Variants in CNTNAP4 observed in about 807,000 individuals in gnomAD.
CNTNAP4 encodes the protein contactin associated protein family member 4, also known as contactin-associated protein-like 4.
Under a neutral mutation model 148.4 loss-of-function variants are expected in CNTNAP4, and 98 were observed. The observed-to-expected ratio is 0.66, with a 90% CI of 0.56 to 0.78. CNTNAP4 has a LOEUF of 0.78. Ranked by LOEUF, CNTNAP4 falls within the 30% of genes least tolerant of loss-of-function variation. The pLI is 0.00. For missense variants in CNTNAP4, 1,935 were observed against 1,565.6 expected (o/e 1.24, Z -3.98); for synonymous variants, 730 against 565.1 (o/e 1.29, Z -4.14).
intron 11 of CNTNAP4, among the ~76,000 whole-genome samples, chr16:76,477,570 C>G (rs1015801457): frequency 2.0e-5 from 3 of 152,098 alleles, no homozygotes; most frequent in African/African-American, 7.2e-5. Flanking sequence ...TCAAGAGAAT[C>G]TCTCAGCTCT....
rs373576749 is a variant in CNTNAP4 at position 76,482,431 on chromosome 16, A to ATTTTT, written c.1882+2893_1882+2894insTTTTT. 5.7e-3 allele frequency among the ~76,000 whole-genome samples: 743 copies of ATTTTT among 129,636 alleles called. 11 individuals are homozygous for ATTTTT. Among genetic ancestry groups the ATTTTT allele is most frequent in the African/African-American group, 0.014 (491 of 35,126 alleles). The allele number at this position is 129,636 out of a possible 152,430, so 85.0% of individuals were successfully genotyped here. A position where few individuals can be genotyped will look rare whatever the true frequency, so the allele number is the denominator to read the frequency against. ...AAAGATCATAAGCTCTGTTTTACAC[A>ATTTTT]ATTTTTTTTTTTTTTTAGTTTGAGA... is the stretch of plus-strand genomic sequence containing the variant. On this transcript the variant is annotated intron_variant, in intron 12 of 23. Coordinates refer to ENST00000611870, the MANE Select transcript of CNTNAP4 (RefSeq NM_033401.5).
Position 76,452,559 on chromosome 16 carries a change from C to T in CNTNAP4, c.1123C>T (p.Leu375=). ...SQPQSMPVTF[L]SSRSYLALPD... is the part of the protein sequence containing the mutation. ...ACCACAATCTATGCCCGTGACTTTT[C>T]TGAGCTCCAGGAGTTATTTAGCACT... Residue 375 remains leucine (L), a synonymous_variant, in exon 8 of 24, where the codon CTG becomes TTG. Transcript: ENST00000611870. The T allele has an allele frequency of 6.2e-7, 1 of 1,614,018 alleles. No individual in the cohort carries two copies. The highest frequency in any genetic ancestry group is 8.5e-7 in the Non-Finnish European group (1 of 1,179,902).
At chr16:76,299,925 C>G (rs943082469) in intron 1 of CNTNAP4, among the ~76,000 whole-genome samples, 1 of 151,970 alleles carries the variant, frequency 6.6e-6, no homozygotes, top group Non-Finnish European at 1.5e-5. Flanking sequence ...TGTTCTCACT[C>G]ATAGGTGGGA....
intron 2 of CNTNAP4, among the ~76,000 whole-genome samples, chr16:76,321,128 C>A (rs1485273663): frequency 6.6e-6 from 1 of 152,172 alleles, no homozygotes; most frequent in East Asian, 1.9e-4. Flanking sequence ...TTTTAAACCA[C>A]AACTACACCC....
intron 15 of CNTNAP4, among the ~76,000 whole-genome samples, chr16:76,501,653 C>G (rs1169607014): frequency 1.3e-5 from 2 of 152,094 alleles, no homozygotes; most frequent in Non-Finnish European, 2.9e-5. Flanking sequence ...TCCTACAATG[C>G]ATGAGACGGC....
intron 17 of CNTNAP4, among the ~76,000 whole-genome samples, chr16:76,531,598 G>A (rs1381387832): frequency 1.3e-5 from 2 of 152,170 alleles, no homozygotes; most frequent in African/African-American, 2.4e-5. Context: ...TAATAGCTCA[G>A]TGGAAACATC....
chr16:76,471,190 G>C (rs1046918001), intron 10 of CNTNAP4, among the ~76,000 whole-genome samples: 1 of 152,042 alleles, frequency 6.6e-6, no homozygotes, highest in Non-Finnish European at 1.5e-5. Context: ...CTCAGTCCAG[G>C]GACTTCGGAG....
At chr16:76,339,587 C>A (rs888654660) in intron 2 of CNTNAP4, among the ~76,000 whole-genome samples, 1 of 152,126 alleles carries the variant, frequency 6.6e-6, no homozygotes, top group Non-Finnish European at 1.5e-5. Context: ...AATTTAAGAT[C>A]GTTTGAAATG....
At chr16:76,280,591 G>C (rs1162014349) in intron 1 of CNTNAP4, among the ~76,000 whole-genome samples, 1 of 152,052 alleles carries the variant, frequency 6.6e-6, no homozygotes, top group African/African-American at 2.4e-5. Context: ...CTAGTATCCT[G>C]TCTGACATTT....
chr16:76,400,699 T>G (rs1198700973), intron 3 of CNTNAP4, among the ~76,000 whole-genome samples: 1 of 152,178 alleles, frequency 6.6e-6, no homozygotes, highest in East Asian at 1.9e-4. Flanking sequence ...TTAACGCATA[T>G]TGAGTTAACT....
chr16:76,544,327 T>A (rs1195104537), intron 21 of CNTNAP4, among the ~76,000 whole-genome samples: 1 of 152,124 alleles, frequency 6.6e-6, no homozygotes, highest in Non-Finnish European at 1.5e-5. Flanking sequence ...TCCCCTCTCT[T>A]GAATTTTTCC....
At chr16:76,281,182 T>C (rs949554498) in intron 1 of CNTNAP4, among the ~76,000 whole-genome samples, 4 of 152,130 alleles carry the variant, frequency 2.6e-5, no homozygotes, top group Admixed American at 1.3e-4. Context: ...ATTCTCACAT[T>C]GTTAAAACTC....
rs537128290 is a variant in CNTNAP4, at chr16:76,459,670, C to G, written c.1334-2286C>G. 4.2e-4 allele frequency among the ~76,000 whole-genome samples: 64 copies of G among 152,292 alleles called. 1 individual carries two copies. In the South Asian group the frequency reaches 0.013, roughly 30 times the overall value. ...TTTTACATAAAATCAGTAAAGAAATCACATGCAATATCAGAAAAAAGGCTG... is the reference window on the plus strand; with the variant it reads ...TTTTACATAAAATCAGTAAAGAAATGACATGCAATATCAGAAAAAAGGCTG... On this transcript the variant is annotated intron_variant, in intron 8 of 23. Coordinates refer to ENST00000611870, the MANE Select transcript of CNTNAP4 (RefSeq NM_033401.5).
intron 2 of CNTNAP4, among the ~76,000 whole-genome samples, chr16:76,352,928 ATGCTAAACAAATGACC>A (rs1290383010): frequency 1.3e-5 from 2 of 152,200 alleles, no homozygotes; most frequent in Non-Finnish European, 2.9e-5. Flanking sequence ...CAGCAGGGCC[ATGCTAAACAAATGACC>A]CCAAGACACC....
chr16:76,300,478 C>G (rs1959840234), intron 1 of CNTNAP4, among the ~76,000 whole-genome samples: 1 of 152,176 alleles, frequency 6.6e-6, no homozygotes, highest in South Asian at 2.1e-4. Flanking sequence ...CACAAACCAC[C>G]ATGGCACGTG....
chr16:76,457,187 C>T (rs922303676), intron 8 of CNTNAP4, among the ~76,000 whole-genome samples: 2 of 152,090 alleles, frequency 1.3e-5, no homozygotes, highest in Non-Finnish European at 2.9e-5. Flanking sequence ...TTGAAAAGGG[C>T]CAACCTATTA....
At chr16:76,382,060 C>CAAAA (rs67028367) in intron 3 of CNTNAP4, among the ~76,000 whole-genome samples, 13 of 53,324 alleles carry the variant, frequency 2.4e-4, no homozygotes, top group African/African-American at 4.5e-4. Context: ...GACTCCGTCT[C>CAAAA]AAAAAAAAAA....
intron 3 of CNTNAP4, among the ~76,000 whole-genome samples, chr16:76,404,024 C>G (rs554191977): frequency 2.0e-5 from 3 of 151,910 alleles, no homozygotes; most frequent in Non-Finnish European, 4.4e-5. Context: ...AAAGGAACAA[C>G]GGACACTGGG....
intron 15 of CNTNAP4, among the ~76,000 whole-genome samples, chr16:76,513,676 A>G (rs1357725223): frequency 6.6e-6 from 1 of 152,188 alleles, no homozygotes; most frequent in Non-Finnish European, 1.5e-5. Flanking sequence ...AGATGTGCCT[A>G]CTTAAAAACA....
Sources: allele counts gnomAD v4.1 joint callset (sites outside exome capture counted in the v4.1 genomes callset), GRCh38; gene constraint gnomAD v4.1.1; transcripts MANE v1.5; gene names NCBI Gene and HGNC (gene_info 2026-07-23, HGNC 2026-07-21).